Variants in NFIA observed in about 807,000 individuals in gnomAD.
NFIA encodes the protein nuclear factor 1 A-type.
NFIA carries 8 observed loss-of-function variants against 62.8 expected under a neutral mutation model. The observed-to-expected ratio is 0.13, with a 90% confidence interval of 0.07 to 0.23. The LOEUF is 0.23. Among genes scored for constraint, NFIA ranks in the 10% least tolerant of loss-of-function variants. NFIA has a pLI of 1.00. For missense variants in NFIA, 410 were observed against 642.1 expected, an observed-to-expected ratio of 0.64 and a Z score of 3.91; for synonymous variants, 235 against 238.1, an observed-to-expected ratio of 0.99 and a Z score of 0.12.
intron 2 of NFIA, among the ~76,000 whole-genome samples, chr1:61,102,439 A>G (rs187382956): frequency 6.6e-6 from 1 of 152,304 alleles, no homozygotes; most frequent in Admixed American, 6.5e-5. Flanking sequence ...ATGAAAGCTT[A>G]AAAAATTTGA....
At chr1:61,317,883 A>G (rs1023685820) in intron 3 of NFIA, among the ~76,000 whole-genome samples, 1 of 152,130 alleles carries the variant, frequency 6.6e-6, no homozygotes, top group Non-Finnish European at 1.5e-5. Flanking sequence ...GTACTATTTC[A>G]TTATTCCTAA....
At chr1:61,090,666 C>T (rs1210181666) in intron 2 of NFIA, among the ~76,000 whole-genome samples, 4 of 152,078 alleles carry the variant, frequency 2.6e-5, no homozygotes, top group Non-Finnish European at 1.5e-5. Flanking sequence ...ATCCTTATTG[C>T]TTATGAAAGA....
intron 3 of NFIA, among the ~76,000 whole-genome samples, chr1:61,284,982 C>T (rs913104578): frequency 1.3e-5 from 2 of 152,018 alleles, no homozygotes; most frequent in African/African-American, 2.4e-5. Context: ...TCTGGAATTG[C>T]GTAAATATAT....
At chr1:61,443,515 C>T (rs1213424884) in intron 10 of NFIA, among the ~76,000 whole-genome samples, 1 of 152,194 alleles carries the variant, frequency 6.6e-6, no homozygotes, top group Non-Finnish European at 1.5e-5. Context: ...TCACATGTCA[C>T]TCTGCAGGGA....
intron 2 of NFIA, among the ~76,000 whole-genome samples, chr1:61,204,672 C>A (rs441374): frequency 0.17 from 25,565 of 151,970 alleles, 2,290 homozygotes; most frequent in East Asian, 0.28. Flanking sequence ...CTGCCCCCCC[C>A]ACCCTTGGGT....
In NFIA at chr1:61,453,444, T is replaced by G. The variant is rs1341833932; in HGVS notation, c.1513-1859T>G. 3.3e-3 allele frequency among the ~76,000 whole-genome samples: 58 copies of G among 17,456 alleles called. 1 individual carries two copies. Among genetic ancestry groups the G allele is most frequent in the African/African-American group, 7.8e-3 (57 of 7,276 alleles). The allele number at this position is 17,456 out of a possible 152,430, so 11.5% of individuals were successfully genotyped here. A position where few individuals can be genotyped will look rare whatever the true frequency, so the allele number is the denominator to read the frequency against. On this transcript the variant is annotated intron_variant, in intron 10 of 10. Coordinates refer to ENST00000403491, the MANE Select transcript of NFIA (RefSeq NM_001134673.4). ...TGAATAGTAAGATGTGTGAAGAAAC[T>G]TTTTTTTTTTTTTTTTTTTTTTTGC...
At chr1:61,420,013 C>T (rs1666533866) in intron 9 of NFIA, among the ~76,000 whole-genome samples, 1 of 152,198 alleles carries the variant, frequency 6.6e-6, no homozygotes, top group South Asian at 2.1e-4. Context: ...CGTAGTTATC[C>T]TCTAGATGCT....
intron 2 of NFIA, among the ~76,000 whole-genome samples, chr1:61,126,437 AACACACACACACAC>A (rs61077935): frequency 2.7e-5 from 2 of 74,798 alleles, no homozygotes; most frequent in African/African-American, 9.4e-5. Context: ...TTTGAAAATG[AACACACACACACAC>A]ACACACACAC....
At chr1:61,310,749 C>T (rs1570558238) in intron 3 of NFIA, among the ~76,000 whole-genome samples, 1 of 94,020 alleles carries the variant, frequency 1.1e-5, no homozygotes, top group South Asian at 3.1e-4. Flanking sequence ...ATCCCCTCCT[C>T]CTGCTTCTCC....
At chr1:61,280,290 A>G (rs1658053676) in intron 3 of NFIA, among the ~76,000 whole-genome samples, 1 of 152,190 alleles carries the variant, frequency 6.6e-6, no homozygotes, top group Admixed American at 6.5e-5. Flanking sequence ...TCAGGATATG[A>G]AGATGAAGTG....
chr1:61,316,533 G>A (rs1281495801), intron 3 of NFIA, among the ~76,000 whole-genome samples: 1 of 152,156 alleles, frequency 6.6e-6, no homozygotes, highest in East Asian at 1.9e-4. Flanking sequence ...GCAGGCCAGG[G>A]ATGCTGAGCA....
In NFIA at chr1:61,088,709, C is replaced by T; in HGVS notation, c.559+29C>T. 6.3e-7 allele frequency: 1 copy of T among 1,585,438 alleles called. No homozygotes were observed. Among genetic ancestry groups the T allele is most frequent in the Non-Finnish European group, 8.6e-7 (1 of 1,166,208 alleles). On this transcript the variant is annotated intron_variant, in intron 2 of 10. Transcript: ENST00000403491. This position sits in a 1 kb window ranked among gnomAD's most constrained non-coding sequence, Gnocchi z 4.5. ...AGTGCGATGGTGAGAATTCCTCCCA[C>T]TTTCTTGTGTGTGTTTCTTTCCTGA...
At chr1:61,324,520 TACC>T (rs1660832236) in intron 3 of NFIA, among the ~76,000 whole-genome samples, 1 of 152,194 alleles carries the variant, frequency 6.6e-6, no homozygotes, top group Non-Finnish European at 1.5e-5. Flanking sequence ...AAAACAAAAA[TACC>T]ATCTTGGATA....
intron 2 of NFIA, among the ~76,000 whole-genome samples, chr1:61,134,851 T>A (rs940585664): frequency 7.2e-5 from 11 of 152,160 alleles, no homozygotes; most frequent in Non-Finnish European, 1.3e-4. Context: ...ACAAATTTTT[T>A]TAAACAAGTG....
intron 2 of NFIA, among the ~76,000 whole-genome samples, chr1:61,266,666 C>A (rs1657190303): frequency 6.6e-6 from 1 of 152,312 alleles, no homozygotes; most frequent in Non-Finnish European, 1.5e-5. Flanking sequence ...TCCCAAAGTG[C>A]TGGGATTACA....
At chr1:61,264,710 A>T (rs1479176418) in intron 2 of NFIA, among the ~76,000 whole-genome samples, 1 of 151,690 alleles carries the variant, frequency 6.6e-6, no homozygotes, top group African/African-American at 2.4e-5. Flanking sequence ...TATTTGGCAA[A>T]TCCCACACAA....
intron 4 of NFIA, among the ~76,000 whole-genome samples, chr1:61,335,701 G>A (rs1275405362): frequency 6.6e-6 from 1 of 152,140 alleles, no homozygotes; most frequent in African/African-American, 2.4e-5. Context: ...AATTAGCCAG[G>A]TGTGGTGTCG....
chr1:61,357,755 C>T (rs1215310649), intron 5 of NFIA, among the ~76,000 whole-genome samples: 5 of 152,118 alleles, frequency 3.3e-5, no homozygotes, highest in African/African-American at 7.2e-5. Flanking sequence ...ATGTAGGATG[C>T]GCACAGTAGG....
At chr1:61,402,492 TGA>T (rs1461223523) in intron 7 of NFIA, among the ~76,000 whole-genome samples, 1 of 152,200 alleles carries the variant, frequency 6.6e-6, no homozygotes, top group African/African-American at 2.4e-5. Flanking sequence ...AAATATTTAT[TGA>T]GTGCCAGACT....
Sources: gnomAD v4.1 joint callset for allele counts (sites outside exome capture counted in the v4.1 genomes callset) on GRCh38, gnomAD v4.1.1 for gene constraint, Gnocchi (gnomAD v3.1) non-coding constraint, MANE v1.5 for transcripts, NCBI Gene and HGNC (gene_info 2026-07-23, HGNC 2026-07-21) for gene names.